Variants in PTPRT observed in about 807,000 individuals in gnomAD.
PTPRT encodes the protein protein tyrosine phosphatase receptor type T.
A neutral mutation model predicts 176.8 loss-of-function variants in PTPRT; 56 were observed. The ratio of observed to expected loss-of-function variants is 0.32; its 90% CI spans 0.26 to 0.40. The LOEUF (loss-of-function observed/expected upper bound fraction) is 0.40. Ranked by LOEUF, PTPRT falls within the 10% of genes least tolerant of loss-of-function variation. PTPRT has a pLI of 1.00. For missense variants in PTPRT, 1,540 were observed against 1,908.2 expected, an observed-to-expected ratio of 0.81 and a Z score of 3.60; for synonymous variants, 783 against 739.0, an observed-to-expected ratio of 1.06 and a Z score of -0.96.
intron 16 of PTPRT, among the ~76,000 whole-genome samples, chr20:42,171,039 C>T (rs1208943493): frequency 1.3e-5 from 2 of 151,964 alleles, no homozygotes; most frequent in Non-Finnish European, 2.9e-5. Context: ...ATTTAAATTC[C>T]AGAAAACAAT....
intron 10 of PTPRT, among the ~76,000 whole-genome samples, chr20:42,351,881 A>C (rs956952453): frequency 2.6e-5 from 4 of 152,244 alleles, no homozygotes; most frequent in African/African-American, 9.6e-5. Context: ...TTGCCACCTA[A>C]TTAATCTAAT....
intron 17 of PTPRT, among the ~76,000 whole-genome samples, chr20:42,157,976 T>A (rs1293739408): frequency 6.6e-6 from 1 of 152,186 alleles, no homozygotes; most frequent in African/African-American, 2.4e-5. Flanking sequence ...CATCAGTCAC[T>A]AGACATGTGA....
chr20:42,181,241 G>A (rs965823779), intron 16 of PTPRT, among the ~76,000 whole-genome samples: 3 of 152,182 alleles, frequency 2.0e-5, no homozygotes, highest in African/African-American at 7.2e-5. Flanking sequence ...CTGGGGAAGT[G>A]TAAAAGGCTA....
intron 7 of PTPRT, among the ~76,000 whole-genome samples, chr20:42,480,637 C>A (rs915156524): frequency 6.6e-6 from 1 of 152,078 alleles, no homozygotes; most frequent in Non-Finnish European, 1.5e-5. Context: ...TATGATGAAG[C>A]TTGATAAGTC....
chr20:42,846,066 T>A (rs1366541592), intron 2 of PTPRT, among the ~76,000 whole-genome samples: 2 of 152,078 alleles, frequency 1.3e-5, no homozygotes, highest in Non-Finnish European at 2.9e-5. Context: ...CTTACCACCA[T>A]CACGCCCACC....
intron 1 of PTPRT, among the ~76,000 whole-genome samples, chr20:42,914,147 T>C (rs1164121454): frequency 1.3e-5 from 2 of 152,206 alleles, no homozygotes; most frequent in Non-Finnish European, 2.9e-5. Context: ...ACAATCAAAT[T>C]GTCTTTGCTT....
rs193068244 is a variant in PTPRT at position 42,510,372 on chromosome 20, T to G, written c.1154-37810A>C. Among the ~76,000 whole-genome samples, 104 of 152,238 alleles carry G rather than the reference T, an allele frequency of 6.8e-4. 1 individual carries two copies. Among genetic ancestry groups the G allele is most frequent in the African/African-American group, 2.4e-3 (101 of 41,556 alleles). On this transcript the variant is annotated intron_variant, in intron 7 of 30. Transcript: ENST00000373187. Reference sequence around the variant, plus strand: ...TTCTTCTTGAATAATAGGAATTATTTATTTTGAAATGTATTCCTGGAACTT... The same window carrying G: ...TTCTTCTTGAATAATAGGAATTATTGATTTTGAAATGTATTCCTGGAACTT...
intron 7 of PTPRT, among the ~76,000 whole-genome samples, chr20:42,596,716 G>A (rs113853925): frequency 0.029 from 4,459 of 152,180 alleles, 203 homozygotes; most frequent in African/African-American, 0.096. Flanking sequence ...TTTTTAAAAC[G>A]AAAAATACAA....
intron 6 of PTPRT, among the ~76,000 whole-genome samples, chr20:42,703,272 G>T (rs576860738): frequency 2.1e-4 from 32 of 152,212 alleles, no homozygotes; most frequent in African/African-American, 7.0e-4. Context: ...TGGAAGTGCT[G>T]TTTGAACCTT....
chr20:42,468,992 A>C (rs1275966759), intron 8 of PTPRT, among the ~76,000 whole-genome samples: 1 of 152,160 alleles, frequency 6.6e-6, no homozygotes, highest in Non-Finnish European at 1.5e-5. Flanking sequence ...AGATGTCTGG[A>C]CATGTCTACA....
intron 18 of PTPRT, among the ~76,000 whole-genome samples, chr20:42,139,425 G>T (rs1988522961): frequency 6.6e-6 from 1 of 152,200 alleles, no homozygotes; most frequent in Non-Finnish European, 1.5e-5. Context: ...GTAGGAAAGG[G>T]GTGATGTACG....
intron 18 of PTPRT, among the ~76,000 whole-genome samples, chr20:42,129,938 T>C (rs2146367242): frequency 6.6e-6 from 1 of 152,316 alleles, no homozygotes; most frequent in South Asian, 2.1e-4. Flanking sequence ...GGAAAAGGTA[T>C]AATTGGATGC....
intron 9 of PTPRT, among the ~76,000 whole-genome samples, chr20:42,434,907 G>GTAAGTTGAGAT (rs1475122935): frequency 1.3e-5 from 2 of 152,062 alleles, no homozygotes; most frequent in Non-Finnish European, 2.9e-5. Flanking sequence ...GGAGGTTGCA[G>GTAAGTTGAGAT]TAAGTTGAGA....
chr20:42,118,175 A>G (rs770823353), intron 21 of PTPRT, among the ~76,000 whole-genome samples: 3 of 152,212 alleles, frequency 2.0e-5, no homozygotes, highest in Non-Finnish European at 4.4e-5. Context: ...CTCAAAATAT[A>G]TGAGATGACA....
At chr20:42,044,307 A>C in the PTPRT span, among the ~76,000 whole-genome samples, 1 of 152,222 alleles carries the variant, frequency 6.6e-6, no homozygotes, top group Non-Finnish European at 1.5e-5. Context: ...GTGTGCTGGT[A>C]ATTGATGGTG....
At chr20:42,477,044 G>A (rs6102851) in intron 7 of PTPRT, among the ~76,000 whole-genome samples, 2,429 of 152,288 alleles carry the variant, frequency 0.016, 80 homozygotes, top group African/African-American at 0.056. Flanking sequence ...TCACATATAA[G>A]TGTGCAGCGA....
intron 1 of PTPRT, among the ~76,000 whole-genome samples, chr20:43,054,380 T>A (rs1279376412): frequency 6.6e-6 from 1 of 151,946 alleles, no homozygotes; most frequent in Non-Finnish European, 1.5e-5. Context: ...ACGGCGAAAC[T>A]TCGTCTCTAC....
chr20:43,071,915 TAAAC>T (rs1439354805), intron 1 of PTPRT, among the ~76,000 whole-genome samples: 1 of 152,266 alleles, frequency 6.6e-6, no homozygotes, highest in Non-Finnish European at 1.5e-5. Flanking sequence ...CTGCCCCACT[TAAAC>T]AGTCAGTCAC....
chr20:42,156,395 T>C (rs1415520978), intron 17 of PTPRT, among the ~76,000 whole-genome samples: 1 of 152,186 alleles, frequency 6.6e-6, no homozygotes, highest in Non-Finnish European at 1.5e-5. Context: ...AAAGGCCTGG[T>C]CCTAGGTCCT....
Sources: allele counts gnomAD v4.1 joint callset (sites outside exome capture counted in the v4.1 genomes callset), GRCh38; gene constraint gnomAD v4.1.1; transcripts MANE v1.5; gene names NCBI Gene and HGNC (gene_info 2026-07-23, HGNC 2026-07-21).